The following MAP3K3 variants were observed in gnomAD, a reference collection of about 807,000 sequenced individuals.
MAP3K3 encodes MAP/ERK kinase kinase 3.
A neutral mutation model predicts 80.9 loss-of-function variants in MAP3K3; 12 were observed. That is an observed-to-expected ratio of 0.15 (90% CI 0.10 to 0.24). MAP3K3 has a LOEUF of 0.24. Ranked by LOEUF, MAP3K3 falls within the 10% of genes least tolerant of loss-of-function variation. MAP3K3 has a pLI of 1.00. For missense variants in MAP3K3, 596 were observed against 834.7 expected, an observed-to-expected ratio of 0.71 and a Z score of 3.52; for synonymous variants, 272 against 307.1, an observed-to-expected ratio of 0.89 and a Z score of 1.19.
At position 63,690,062 on chromosome 17, in the gene MAP3K3, C is replaced by T. The variant is rs1408185983; in HGVS notation, c.1064-202C>T. ...GCATTTAACCATGACTTCAGCCAAT[C>T]CTCTGCTTCTTAGGACTCTGACTTC... On this transcript the variant is annotated intron_variant, in intron 11 of 15. Transcript: ENST00000361733. 3.9e-5 allele frequency: 24 copies of T among 619,776 alleles called. No individual in the cohort carries two copies. In the East Asian group the frequency reaches 6.7e-4, roughly 17 times the overall value. The allele number at this position is 619,776 out of a possible 1,614,324, so 38.4% of individuals were successfully genotyped here.
At chr17:63,633,500 G>A (rs1446414744) in intron 2 of MAP3K3, among the ~76,000 whole-genome samples, 1 of 152,134 alleles carries the variant, frequency 6.6e-6, no homozygotes, top group African/African-American at 2.4e-5. Flanking sequence ...TAATTAAAAT[G>A]TCACCTAGTA....
At position 63,691,959 on chromosome 17, in the gene MAP3K3, C is replaced by G. The variant is rs891099626; in HGVS notation, c.1474+97C>G. The G allele has an allele frequency of 7.2e-7, 1 of 1,396,624 alleles. No homozygotes were observed. Among genetic ancestry groups the G allele is most frequent in the Admixed American group, 2.0e-5 (1 of 50,218 alleles). The allele number at this position is 1,396,624 out of a possible 1,614,324, so 86.5% of individuals were successfully genotyped here. On this transcript the variant is annotated intron_variant, in intron 14 of 15. Transcript: ENST00000361733. The surrounding 1 kb of genome is among the most constrained non-coding windows in gnomAD (Gnocchi z 4.8). ...CAATCACTTAACCATTCTGAACTTTCTGAAAAGTGGGACCCCAGTTGTTTC... is the reference window on the plus strand; with the variant it reads ...CAATCACTTAACCATTCTGAACTTTGTGAAAAGTGGGACCCCAGTTGTTTC...
At chr17:63,652,977 T>C (rs923242589) in intron 4 of MAP3K3, among the ~76,000 whole-genome samples, 3 of 152,000 alleles carry the variant, frequency 2.0e-5, no homozygotes, top group African/African-American at 7.3e-5. Context: ...CTTATTTTTT[T>C]CCCCCCAGCA....
At chr17:63,681,705 T>C in intron 6 of MAP3K3, 61 bp from the exon 7 acceptor site, 6 of 1,347,602 alleles carry the variant, frequency 4.5e-6, no homozygotes, top group Non-Finnish European at 5.8e-6. Flanking sequence ...GCCCCATGCC[T>C]GCTCCTCTTG....
At chr17:63,672,382 G>A (rs1386358426) in intron 6 of MAP3K3, among the ~76,000 whole-genome samples, 5 of 152,020 alleles carry the variant, frequency 3.3e-5, no homozygotes, top group African/African-American at 9.7e-5. Context: ...AAATGGCATC[G>A]CCTTTCACTA....
intron 1 of MAP3K3, among the ~76,000 whole-genome samples, chr17:63,625,854 T>G (rs2034089385): frequency 6.6e-6 from 1 of 152,154 alleles, no homozygotes; most frequent in Non-Finnish European, 1.5e-5. Flanking sequence ...GGTAGATCGC[T>G]TGAGCCCAGG....
Position 63,632,783 on chromosome 17 carries a change from C to G in MAP3K3, c.107C>G (p.Thr36Arg). ...TATGAGACCATGAAGAACAAAGACA[C>G]AGGTCACTCAAATAGGCAGGTGTGT... The part of the protein sequence containing the change: ...PGYETMKNKD[T>R]GHSNRQSDVR... The change falls in exon 2 of 16, where the codon ACA becomes AGA. Residue 36 changes from threonine (T) to arginine (R), a missense_variant. Physicochemically the swap from Thr to Arg is moderately conservative, Grantham distance 71. Transcript: ENST00000361733. The G allele has an allele frequency of 6.2e-7, 1 of 1,614,070 alleles. No homozygotes were observed. The highest frequency in any genetic ancestry group is 8.5e-7 in the Non-Finnish European group (1 of 1,179,984).
chr17:63,655,175 G>T (rs374083706), intron 4 of MAP3K3, among the ~76,000 whole-genome samples: 33 of 152,222 alleles, frequency 2.2e-4, no homozygotes, highest in African/African-American at 7.9e-4. Context: ...TCCTTCACAT[G>T]GCGACAGGAG....
At chr17:63,628,401 C>G (rs1200367261) in intron 1 of MAP3K3, among the ~76,000 whole-genome samples, 1 of 146,704 alleles carries the variant, frequency 6.8e-6, no homozygotes, top group Non-Finnish European at 1.5e-5. Context: ...GCTCTTGTTG[C>G]CCAGGCTGGA....
Position 63,635,463 on chromosome 17 carries a change from C to T in MAP3K3, c.126+2661C>T, listed in dbSNP as rs574932179. On this transcript the variant is annotated intron_variant, in intron 2 of 15. Transcript: ENST00000361733. ...AGATAGCTTTTCCTCTTAATGAAGT[C>T]AAGGTTATAGAATGGCCTGTCCTGG... 5.9e-5 allele frequency among the ~76,000 whole-genome samples: 9 copies of T among 152,292 alleles called. No individual in the cohort carries two copies. The East Asian group carries it at 1.5e-3, about 26-fold the overall frequency.
chr17:63,635,359 T>C (rs2034302042), intron 2 of MAP3K3, among the ~76,000 whole-genome samples: 1 of 152,222 alleles, frequency 6.6e-6, no homozygotes, highest in African/African-American at 2.4e-5. Context: ...AATGTGAAGA[T>C]GTGGAACTAG....
At chr17:63,668,059 T>TA (rs1455281660) in intron 6 of MAP3K3, 3 of 151,722 alleles carry the variant, frequency 2.0e-5, no homozygotes, top group Non-Finnish European at 4.4e-5. Context: ...AATCTGGTCT[T>TA]ATCAAACATC....
intron 5 of MAP3K3, among the ~76,000 whole-genome samples, chr17:63,659,038 T>G (rs530020040): frequency 7.4e-4 from 113 of 152,046 alleles, no homozygotes; most frequent in South Asian, 1.2e-3. Flanking sequence ...GCCCGGCCAT[T>G]TTTTAATTTT....
rs1356730913 is a variant in MAP3K3 at position 63,622,705 on chromosome 17, C to G, written c.-55C>G. ...CCGCCCGGGCCCCCGGCATGCAGCCCCGGCTGCGGAGGTGACACTCACGGA... is the reference window on the plus strand; with the variant it reads ...CCGCCCGGGCCCCCGGCATGCAGCCGCGGCTGCGGAGGTGACACTCACGGA... On this transcript the variant is annotated 5_prime_UTR_variant, in exon 1 of 16. Transcript: ENST00000361733. The G allele has an allele frequency of 8.9e-6, 4 of 449,120 alleles. No individual in the cohort carries two copies. Among genetic ancestry groups the G allele is most frequent in the Non-Finnish European group, 1.7e-5 (4 of 230,456 alleles). The allele number at this position is 449,120 out of a possible 1,614,324, so 27.8% of individuals were successfully genotyped here. A position where few individuals can be genotyped will look rare whatever the true frequency, so the allele number is the denominator to read the frequency against.
In MAP3K3 at chr17:63,628,943, C is replaced by T. The variant is rs148632183; in HGVS notation, c.5-3738C>T. Among the ~76,000 whole-genome samples the T allele has an allele frequency of 7.7e-3, 1,173 of 152,030 alleles. 6 individuals carry two copies. The highest frequency in any genetic ancestry group is 0.012 in the Non-Finnish European group (795 of 67,976). On this transcript the variant is annotated intron_variant, in intron 1 of 15. Coordinates refer to ENST00000361733, the MANE Select transcript of MAP3K3 (RefSeq NM_002401.5). ...GTGTTAGGTACCATAAGAAATAATT[C>T]GTAGGTTTTCTGTTGCTTTTAACTC...
chr17:63,692,359 C>T lies in MAP3K3; in HGVS notation c.1592C>T (p.Pro531Leu). ...GGCATGCGCTCCGTCACTGGCACAC[C>T]CTACTGGATGAGCCCTGAGGTGATC... The part of the protein sequence containing the change: ...GTGMRSVTGT[P>L]YWMSPEVISG... The change falls in exon 15 of 16, where the codon CCC (proline) becomes CTC (leucine). Residue 531 changes from proline to leucine, a missense_variant. Pro to Leu is a moderately conservative substitution (Grantham distance 98, BLOSUM62 -3). Coordinates refer to ENST00000361733, the MANE Select transcript of MAP3K3 (RefSeq NM_002401.5). The surrounding 1 kb of genome is among the most constrained non-coding windows in gnomAD (Gnocchi z 4.5). The T allele has an allele frequency of 6.2e-7, 1 of 1,613,912 alleles. No individual in the cohort carries two copies. Among genetic ancestry groups the T allele is most frequent in the Non-Finnish European group, 8.5e-7 (1 of 1,180,012 alleles).
At chr17:63,637,645 T>G (rs949581240) in intron 2 of MAP3K3, among the ~76,000 whole-genome samples, 3 of 152,214 alleles carry the variant, frequency 2.0e-5, no homozygotes, top group African/African-American at 7.2e-5. Flanking sequence ...GTCCATAGTG[T>G]TGTGGAACTG....
rs1180075687 is a variant in MAP3K3, at chr17:63,694,896, C to T, written c.*1119C>T. 6.5e-6 allele frequency: 1 copy of T among 153,976 alleles called. No homozygotes were observed. Among genetic ancestry groups the T allele is most frequent in the African/African-American group, 2.4e-5 (1 of 41,492 alleles). The allele number at this position is 153,976 out of a possible 1,614,324, so 9.5% of individuals were successfully genotyped here. A position where few individuals can be genotyped will look rare whatever the true frequency, so the allele number is the denominator to read the frequency against. The stretch of plus-strand genomic sequence containing the variant: ...CCCCTTGAGGTCTCAGCCCCTTTCC[C>T]TTGTAGCTCCTCCCCTGGAGGGGGA... On this transcript the variant is annotated 3_prime_UTR_variant, in exon 16 of 16. Transcript: ENST00000361733.
intron 2 of MAP3K3, chr17:63,634,759 A>G (rs368406258): frequency 8.4e-5 from 135 of 1,614,022 alleles, no homozygotes; most frequent in Non-Finnish European, 1.1e-4. Context: ...CCACAGTAAC[A>G]ACAAGCTCAT....
Sources: gnomAD v4.1 joint callset for allele counts (sites outside exome capture counted in the v4.1 genomes callset) on GRCh38, gnomAD v4.1.1 for gene constraint, Gnocchi (gnomAD v3.1) non-coding constraint, MANE v1.5 for transcripts, NCBI Gene and HGNC (gene_info 2026-07-23, HGNC 2026-07-21) for gene names.